SMYD3: variants seen among roughly 807,000 people sequenced by gnomAD.
The protein encoded by SMYD3 is histone-lysine N-methyltransferase SMYD3.
Under a neutral mutation model 57.7 loss-of-function variants are expected in SMYD3, and 36 were observed. The observed-to-expected ratio is 0.62, with a 90% CI of 0.48 to 0.82. SMYD3 has a LOEUF of 0.82. SMYD3 is among the 40% of genes least tolerant of loss of function. The pLI, the probability that SMYD3 is intolerant of heterozygous loss-of-function variation, is 0.00. For missense variants in SMYD3, 515 were observed against 538.8 expected (o/e 0.96, Z 0.44); for synonymous variants, 211 against 195.0 (o/e 1.08, Z -0.68).
At chr1:245,775,113 C>CCGG (rs1201957851) in intron 10 of SMYD3, among the ~76,000 whole-genome samples, 11 of 152,312 alleles carry the variant, frequency 7.2e-5, no homozygotes, top group Admixed American at 2.0e-4. Context: ...CAGCCTCTGC[C>CCGG]CCGCCGCCCC....
At chr1:246,289,029 C>T (rs538448786) in intron 5 of SMYD3, among the ~76,000 whole-genome samples, 7 of 152,126 alleles carry the variant, frequency 4.6e-5, no homozygotes, top group Non-Finnish European at 1.0e-4. Context: ...GCAGGAGAAT[C>T]GCTTGAACCC....
intron 1 of SMYD3, among the ~76,000 whole-genome samples, chr1:246,359,647 G>A (rs927804107): frequency 4.0e-4 from 61 of 152,074 alleles, no homozygotes; most frequent in Non-Finnish European, 7.2e-4. Context: ...AGGGATGCAC[G>A]GATGGCTTAA....
At chr1:245,913,372 G>C (rs1438004903) in intron 8 of SMYD3, among the ~76,000 whole-genome samples, 163 of 133,494 alleles carry the variant, frequency 1.2e-3, no homozygotes, top group Admixed American at 2.3e-3. Context: ...TGGTGTGGGG[G>C]GAGGGGGGAG....
intron 10 of SMYD3, among the ~76,000 whole-genome samples, chr1:245,857,504 G>A (rs1190078843): frequency 7.5e-5 from 3 of 39,972 alleles, no homozygotes; most frequent in Non-Finnish European, 3.1e-4. Context: ...TTCCCTGCCT[G>A]TTGTCCTACG....
At chr1:245,775,715 TA>T (rs749327071) in intron 10 of SMYD3, among the ~76,000 whole-genome samples, 3,403 of 109,854 alleles carry the variant, frequency 0.031, 144 homozygotes, top group Admixed American at 0.12. Flanking sequence ...CAATAAATAC[TA>T]AAAAAAAAAA....
chr1:246,049,790 T>A (rs1349207801), intron 5 of SMYD3, among the ~76,000 whole-genome samples: 1 of 152,198 alleles, frequency 6.6e-6, no homozygotes, highest in Non-Finnish European at 1.5e-5. Context: ...AGTCAGCTTA[T>A]GAGATTCCTC....
In SMYD3 at chr1:245,794,295, A is replaced by G. The variant is rs1243236437; in HGVS notation, c.1077-30146T>C. 3.3e-5 allele frequency among the ~76,000 whole-genome samples: 5 copies of G among 152,222 alleles called. No homozygotes were observed. The East Asian group carries it at 9.6e-4, about 29-fold the overall frequency. ...AAATTATTTTAACAAGATTCCTTGT[A>G]CCTCTTAAAATATCTTTATTTCATT... On this transcript the variant is annotated intron_variant, in intron 10 of 11. Transcript: ENST00000490107.
At chr1:246,040,518 A>G (rs957423918) in intron 5 of SMYD3, among the ~76,000 whole-genome samples, 1 of 152,196 alleles carries the variant, frequency 6.6e-6, no homozygotes, top group Non-Finnish European at 1.5e-5. Flanking sequence ...GAATTTGCCA[A>G]ATTAACCCAA....
At chr1:245,960,625 G>A (rs2057975641) in intron 5 of SMYD3, among the ~76,000 whole-genome samples, 2 of 152,264 alleles carry the variant, frequency 1.3e-5, no homozygotes, top group South Asian at 4.1e-4. Flanking sequence ...TACTGAGGAG[G>A]CTGAGGTGGG....
intron 1 of SMYD3, among the ~76,000 whole-genome samples, chr1:246,457,000 G>A (rs1360492154): frequency 6.6e-6 from 1 of 152,108 alleles, no homozygotes; most frequent in African/African-American, 2.4e-5. Flanking sequence ...AAAGAATATC[G>A]AATTTAAGTT....
intron 5 of SMYD3, among the ~76,000 whole-genome samples, chr1:245,993,936 T>TA (rs1318807375): frequency 1.3e-5 from 2 of 152,200 alleles, no homozygotes; most frequent in East Asian, 3.9e-4. Context: ...AAGAAGACAT[T>TA]AAACTACAAT....
chr1:245,971,077 G>A (rs2058288799), intron 5 of SMYD3, among the ~76,000 whole-genome samples: 1 of 152,176 alleles, frequency 6.6e-6, no homozygotes, highest in South Asian at 2.1e-4. Flanking sequence ...ACTAGATACA[G>A]AAAATGTGGC....
intron 8 of SMYD3, 40 bp from the exon 9 acceptor site, chr1:245,863,926 T>C: frequency 6.3e-7 from 1 of 1,586,686 alleles, no homozygotes; most frequent in Non-Finnish European, 8.7e-7. Context: ...ATCTAATTAG[T>C]AATAGGCAAA....
intron 5 of SMYD3, among the ~76,000 whole-genome samples, chr1:246,051,966 A>G (rs917864135): frequency 2.0e-5 from 3 of 152,240 alleles, no homozygotes; most frequent in African/African-American, 7.2e-5. Flanking sequence ...CATTTAAAAT[A>G]CCCAAATGAT....
intron 5 of SMYD3, among the ~76,000 whole-genome samples, chr1:246,061,225 G>A (rs955995644): frequency 1.3e-5 from 2 of 151,806 alleles, no homozygotes; most frequent in African/African-American, 4.8e-5. Context: ...TCCGTCACAC[G>A]CACACACACA....
chr1:245,814,838 ACACATGCACG>A (rs1379083438), intron 10 of SMYD3, among the ~76,000 whole-genome samples: 2 of 150,962 alleles, frequency 1.3e-5, no homozygotes, highest in Non-Finnish European at 3.0e-5. Context: ...ACACACGCAC[ACACATGCACG>A]CACACACACG....
intron 5 of SMYD3, among the ~76,000 whole-genome samples, chr1:246,172,841 G>C (rs1243305194): frequency 6.8e-6 from 1 of 147,326 alleles, no homozygotes; most frequent in African/African-American, 2.5e-5. Context: ...GTACTCTACT[G>C]TAGACTTTAT....
chr1:246,045,468 T>C (rs1413581927), intron 5 of SMYD3, among the ~76,000 whole-genome samples: 1 of 152,108 alleles, frequency 6.6e-6, no homozygotes. Context: ...TTACACTTTA[T>C]ACAAAAATTA....
At chr1:245,889,422 C>A (rs1008005629) in intron 8 of SMYD3, among the ~76,000 whole-genome samples, 3 of 152,158 alleles carry the variant, frequency 2.0e-5, no homozygotes, top group African/African-American at 7.2e-5. Flanking sequence ...GCTGCCCACA[C>A]CCACTGCAGA....
Sources: allele counts gnomAD v4.1 joint callset (sites outside exome capture counted in the v4.1 genomes callset), GRCh38; gene constraint gnomAD v4.1.1; transcripts MANE v1.5; gene names NCBI Gene and HGNC (gene_info 2026-07-23, HGNC 2026-07-21).